Variants in KSR2 observed in about 807,000 individuals in gnomAD.
The protein encoded by KSR2 is kinase suppressor of ras 2.
Under a neutral mutation model 107.8 loss-of-function variants are expected in KSR2, and 25 were observed. The observed-to-expected ratio is 0.23, with a 90% CI of 0.17 to 0.32. KSR2 has a LOEUF of 0.32. Among genes scored for constraint, KSR2 ranks in the 10% least tolerant of loss-of-function variants. The pLI, the probability that KSR2 is intolerant of heterozygous loss-of-function variation, is 1.00. For synonymous variants in KSR2, 480 were observed against 507.0 expected, an observed-to-expected ratio of 0.95 and a Z score of 0.71; for missense variants, 887 against 1,268.9, an observed-to-expected ratio of 0.70 and a Z score of 4.57.
intron 3 of KSR2, among the ~76,000 whole-genome samples, chr12:117,823,611 C>T (rs1206781790): frequency 6.6e-6 from 1 of 152,110 alleles, no homozygotes; most frequent in Non-Finnish European, 1.5e-5. Flanking sequence ...GTTAAAGGTG[C>T]AGGTGATACA....
intron 3 of KSR2, among the ~76,000 whole-genome samples, chr12:117,848,445 C>A (rs1396908099): frequency 6.6e-6 from 1 of 152,228 alleles, no homozygotes; most frequent in African/African-American, 2.4e-5. Context: ...GTAGTAACCA[C>A]GGAGGAAAAC....
chr12:117,778,991 T>C (rs528837088), intron 3 of KSR2, among the ~76,000 whole-genome samples: 2 of 152,328 alleles, frequency 1.3e-5, no homozygotes, highest in East Asian at 3.9e-4. Flanking sequence ...GCGCAGGTTT[T>C]CCAAATCCCT....
chr12:117,898,027 A>T (rs1259298301), intron 1 of KSR2, among the ~76,000 whole-genome samples: 2 of 152,080 alleles, frequency 1.3e-5, no homozygotes, highest in Non-Finnish European at 2.9e-5. Flanking sequence ...GCCAATTTCA[A>T]CAGTAAGAAA....
chr12:117,527,808 T>G (rs567502673), intron 12 of KSR2, among the ~76,000 whole-genome samples: 1 of 152,116 alleles, frequency 6.6e-6, no homozygotes, highest in Non-Finnish European at 1.5e-5. Context: ...ATTGGATAAA[T>G]GGAGTGTCGT....
chr12:117,753,947 CGTGTGTGTGTGTGTGTGTGTGTGT>C (rs34174404), intron 4 of KSR2, among the ~76,000 whole-genome samples: 63 of 129,030 alleles, frequency 4.9e-4, no homozygotes, highest in Admixed American at 1.3e-3. Context: ...AAGTATAGAG[CGTGTGTGTGTGTGTGTGTGTGTGT>C]GTGTGTGTGT....
chr12:117,808,226 G>A (rs1056410831), intron 3 of KSR2, among the ~76,000 whole-genome samples: 1 of 152,070 alleles, frequency 6.6e-6, no homozygotes, highest in Non-Finnish European at 1.5e-5. Context: ...CCTGTCCAGG[G>A]GCCCCTTGGA....
At chr12:117,823,734 T>C (rs566515489) in intron 3 of KSR2, among the ~76,000 whole-genome samples, 8 of 152,310 alleles carry the variant, frequency 5.3e-5, no homozygotes, top group African/African-American at 1.9e-4. Flanking sequence ...TCCTTGCACA[T>C]ACTGATAGGA....
At chr12:117,950,900 G>A (rs1343856948) in intron 1 of KSR2, among the ~76,000 whole-genome samples, 2 of 151,412 alleles carry the variant, frequency 1.3e-5, no homozygotes, top group Non-Finnish European at 2.9e-5. Context: ...CCAACCAGCG[G>A]TTCTTCTTAT....
At chr12:117,791,282 T>C (rs570636840) in intron 3 of KSR2, among the ~76,000 whole-genome samples, 1 of 151,906 alleles carries the variant, frequency 6.6e-6, no homozygotes, top group African/African-American at 2.4e-5. Context: ...TTAGCCTACA[T>C]GTCACCTTCT....
At chr12:117,600,505 A>C (rs1880879769) in intron 5 of KSR2, among the ~76,000 whole-genome samples, 1 of 152,204 alleles carries the variant, frequency 6.6e-6, no homozygotes, top group African/African-American at 2.4e-5. Context: ...AGAAAGGAAC[A>C]CAGCCTAATG....
At chr12:117,788,070 G>A (rs1341794772) in intron 3 of KSR2, among the ~76,000 whole-genome samples, 3 of 152,240 alleles carry the variant, frequency 2.0e-5, no homozygotes, top group Admixed American at 6.5e-5. Context: ...ATGAACAGCT[G>A]TCTTCCTGCT....
intron 14 of KSR2, among the ~76,000 whole-genome samples, chr12:117,490,054 A>G (rs1872665893): frequency 6.6e-6 from 1 of 152,188 alleles, no homozygotes; most frequent in African/African-American, 2.4e-5. Context: ...ACCCCTATAT[A>G]TATAATAGCA....
intron 3 of KSR2, among the ~76,000 whole-genome samples, chr12:117,837,501 T>A (rs1055769304): frequency 6.6e-6 from 1 of 152,058 alleles, no homozygotes; most frequent in Admixed American, 6.6e-5. Flanking sequence ...GGAAAAGGCA[T>A]CCCAGTGTCT....
chr12:117,483,441 A>G (rs774657774), intron 16 of KSR2, among the ~76,000 whole-genome samples: 8 of 152,132 alleles, frequency 5.3e-5, no homozygotes. Flanking sequence ...CTGAAGTAAA[A>G]TGAGAGAAAC....
At chr12:117,629,434 C>G (rs371907013) in intron 5 of KSR2, among the ~76,000 whole-genome samples, 1 of 152,092 alleles carries the variant, frequency 6.6e-6, no homozygotes, top group Non-Finnish European at 1.5e-5. Flanking sequence ...AATGAGAAAA[C>G]TGGACAAGAA....
chr12:117,531,809 A>G (rs1337101033), intron 10 of KSR2, 102 bp from the exon 11 acceptor site: 1 of 781,294 alleles, frequency 1.3e-6, no homozygotes, highest in Non-Finnish European at 2.0e-6. Context: ...TTCTCTGCCC[A>G]CCTTCAAGAG....
At chr12:117,750,464 T>C (rs1266547030) in intron 4 of KSR2, among the ~76,000 whole-genome samples, 1 of 152,146 alleles carries the variant, frequency 6.6e-6, no homozygotes, top group Admixed American at 6.5e-5. Context: ...ATCTACATTA[T>C]AAGATTTTTA....
chr12:117,795,934 T>C (rs1890609860), intron 3 of KSR2, among the ~76,000 whole-genome samples: 1 of 152,114 alleles, frequency 6.6e-6, no homozygotes, highest in African/African-American at 2.4e-5. Context: ...TTGTTATTGT[T>C]GTTGTTTTGA....
intron 3 of KSR2, among the ~76,000 whole-genome samples, chr12:117,793,268 GCA>G (rs1269745777): frequency 4.1e-5 from 3 of 73,126 alleles, no homozygotes; most frequent in African/African-American, 6.0e-5. Flanking sequence ...ACACCAACAT[GCA>G]CACACGCCAA....
Sources: allele counts gnomAD v4.1 joint callset (sites outside exome capture counted in the v4.1 genomes callset), GRCh38; gene constraint gnomAD v4.1.1; transcripts MANE v1.5; gene names NCBI Gene and HGNC (gene_info 2026-07-23, HGNC 2026-07-21).